PAX5: variants seen among roughly 807,000 people sequenced by gnomAD.
PAX5 encodes paired box 5.
Under a neutral mutation model 43.7 loss-of-function variants are expected in PAX5, and 9 were observed. The ratio of observed to expected loss-of-function variants is 0.21; its 90% CI spans 0.12 to 0.36. PAX5 has a LOEUF of 0.36. Among genes scored for constraint, PAX5 ranks in the 10% least tolerant of loss-of-function variants. The probability of loss-of-function intolerance (pLI) is 1.00; values close to 1 mark genes in which losing one functional copy is unlikely to be tolerated. For synonymous variants in PAX5, 228 were observed against 214.3 expected (o/e 1.06, Z -0.56); for missense variants, 383 against 532.7 (o/e 0.72, Z 2.77).
intron 3 of PAX5, among the ~76,000 whole-genome samples, chr9:37,011,896 T>C (rs1838961938): frequency 6.6e-6 from 1 of 152,166 alleles, no homozygotes; most frequent in Admixed American, 6.5e-5. Flanking sequence ...GTGGACCCTC[T>C]TACACAGTGT....
intron 7 of PAX5, among the ~76,000 whole-genome samples, chr9:36,906,353 A>T (rs921105527): frequency 1.3e-5 from 2 of 152,148 alleles, no homozygotes; most frequent in African/African-American, 4.8e-5. Context: ...CAGACAGAAG[A>T]TGTGGCAGCA....
intron 8 of PAX5, among the ~76,000 whole-genome samples, chr9:36,868,031 A>C (rs1190378130): frequency 6.6e-6 from 1 of 152,192 alleles, no homozygotes; most frequent in Non-Finnish European, 1.5e-5. Flanking sequence ...GAAAGGGAAA[A>C]CATGAGGGAT....
At chr9:36,851,092 C>T (rs929452204) in intron 8 of PAX5, among the ~76,000 whole-genome samples, 7 of 152,228 alleles carry the variant, frequency 4.6e-5, no homozygotes, top group Non-Finnish European at 1.0e-4. Flanking sequence ...TTGAACCTTC[C>T]AGGCAGAGCC....
rs563714376 is a variant in PAX5, at chr9:37,017,425, A to T, written c.213-2231T>A. Among the ~76,000 whole-genome samples the T allele has an allele frequency of 6.6e-5, 10 of 152,346 alleles. No homozygotes were observed. In the East Asian group the frequency reaches 1.7e-3, roughly 26 times the overall value. On this transcript the variant is annotated intron_variant, in intron 2 of 9. Transcript: ENST00000358127. ...GCTGCTGCTTTGCTTATAAAATTTT[A>T]AATAATAATAAGAATAATGACCCCT...
intron 9 of PAX5, 22 bp downstream of exon 9, chr9:36,846,821 C>G (rs981577041): frequency 1.3e-5 from 20 of 1,596,732 alleles, no homozygotes; most frequent in Non-Finnish European, 1.6e-5. Context: ...AAGGGCCCCG[C>G]AGGGCCTCCG....
chr9:36,849,003 G>A (rs542005261), intron 8 of PAX5, among the ~76,000 whole-genome samples: 1 of 152,184 alleles, frequency 6.6e-6, no homozygotes, highest in Non-Finnish European at 1.5e-5. Context: ...GGTGAATGTA[G>A]AGGTCCTTGG....
intron 3 of PAX5, among the ~76,000 whole-genome samples, chr9:37,009,919 T>G (rs749008072): frequency 7.2e-5 from 11 of 152,194 alleles, no homozygotes; most frequent in Non-Finnish European, 7.3e-5. Context: ...GTTTTAAGAA[T>G]GCATCAGGGT....
At chr9:37,019,193 ACT>A (rs1356816127) in intron 2 of PAX5, among the ~76,000 whole-genome samples, 4 of 150,362 alleles carry the variant, frequency 2.7e-5, no homozygotes, top group Admixed American at 1.3e-4. Context: ...TTTTAAAATC[ACT>A]CTCTTTTCTC....
intron 5 of PAX5, among the ~76,000 whole-genome samples, chr9:36,983,771 G>A (rs1836141009): frequency 6.6e-6 from 1 of 152,170 alleles, no homozygotes; most frequent in African/African-American, 2.4e-5. Context: ...ACCTTGCCCA[G>A]CTGGGGTTAC....
chr9:36,930,852 G>A (rs1300640312), intron 6 of PAX5: 3 of 1,307,314 alleles, frequency 2.3e-6, no homozygotes, highest in Non-Finnish European at 3.0e-6. Flanking sequence ...CCAGGAGAGT[G>A]TGCACTGGGC....
At chr9:36,905,534 T>C (rs1010014629) in intron 7 of PAX5, among the ~76,000 whole-genome samples, 1 of 152,074 alleles carries the variant, frequency 6.6e-6, no homozygotes, top group African/African-American at 2.4e-5. Context: ...TCTGGGCAAA[T>C]GACAGAAGCA....
At position 36,835,001 on chromosome 9, in the gene PAX5, G is replaced by C; in HGVS notation, c.*5559C>G. ...CCGATCAGCCACCGGAAGCTGATGG[G>C]TGGGTGGGTTTGTGCCTCTGTCTCT... On this transcript the variant is annotated 3_prime_UTR_variant, in exon 10 of 10. Coordinates refer to ENST00000358127, the MANE Select transcript of PAX5 (RefSeq NM_016734.3). 1 of 233,356 alleles carries C rather than the reference G, an allele frequency of 4.3e-6. No individual in the cohort carries two copies. The allele number at this position is 233,356 out of a possible 1,614,324, so 14.5% of individuals were successfully genotyped here.
chr9:36,976,765 T>A (rs1216104021), intron 5 of PAX5, among the ~76,000 whole-genome samples: 1 of 152,248 alleles, frequency 6.6e-6, no homozygotes, highest in East Asian at 1.9e-4. Flanking sequence ...GTGAATCCGA[T>A]TGTGCCGGGT....
At chr9:36,991,205 C>A (rs1836910042) in intron 5 of PAX5, among the ~76,000 whole-genome samples, 1 of 152,138 alleles carries the variant, frequency 6.6e-6, no homozygotes, top group South Asian at 2.1e-4. Flanking sequence ...ATTTTTCCAT[C>A]TTCTATTTTA....
At chr9:36,957,707 GCTATGGTAATTGGGAAGTC>G (rs1330053935) in intron 6 of PAX5, among the ~76,000 whole-genome samples, 1 of 152,162 alleles carries the variant, frequency 6.6e-6, no homozygotes, top group Non-Finnish European at 1.5e-5. Flanking sequence ...TTCTATGCGT[GCTATGGTAATTGGGAAGTC>G]CTGAACAAAA....
intron 5 of PAX5, among the ~76,000 whole-genome samples, chr9:36,995,725 C>T (rs1423639013): frequency 1.3e-5 from 2 of 152,130 alleles, no homozygotes; most frequent in Non-Finnish European, 2.9e-5. Context: ...AATGACGGAG[C>T]GGGGCGTCTC....
At chr9:36,968,233 C>G (rs1016234181) in intron 5 of PAX5, among the ~76,000 whole-genome samples, 4 of 152,238 alleles carry the variant, frequency 2.6e-5, no homozygotes, top group South Asian at 2.1e-4. Context: ...CCCCTGCCCC[C>G]ACCAGTGCAC....
At chr9:36,920,803 CTTTTT>C (rs58220286) in intron 7 of PAX5, among the ~76,000 whole-genome samples, 1,946 of 91,290 alleles carry the variant, frequency 0.021, 40 homozygotes, top group African/African-American at 0.069. Flanking sequence ...ATAGACATAG[CTTTTT>C]TTTTTTTTTT....
chr9:36,973,027 CAAA>C (rs56983909), intron 5 of PAX5, among the ~76,000 whole-genome samples: 1 of 127,678 alleles, frequency 7.8e-6, no homozygotes. Context: ...GATTCAGTCT[CAAA>C]AAAAAAAAGA....
Sources: allele counts gnomAD v4.1 joint callset (sites outside exome capture counted in the v4.1 genomes callset), GRCh38; gene constraint gnomAD v4.1.1; transcripts MANE v1.5; gene names NCBI Gene and HGNC (gene_info 2026-07-23, HGNC 2026-07-21).